The following UCMA variants were observed in gnomAD, a reference collection of about 807,000 sequenced individuals.
UCMA encodes upper zone of growth plate and cartilage matrix associated.
In UCMA, 21 loss-of-function variants were observed where a neutral mutation model predicts 21.8. The observed-to-expected ratio is 0.97, with a 90% CI of 0.68 to 1.39. UCMA has a LOEUF of 1.39. Ranked by LOEUF, UCMA falls within the 40% of genes most tolerant of loss-of-function variation. UCMA has a pLI of 0.00. For missense variants in UCMA, 193 were observed against 178.9 expected (o/e 1.08, Z -0.45); for synonymous variants, 76 against 67.9 (o/e 1.12, Z -0.58).
chr10:13,234,259 C>T lies in UCMA; in HGVS notation c.-1G>A. On this transcript the variant is annotated 5_prime_UTR_variant, in exon 1 of 5. Coordinates refer to ENST00000378681, the MANE Select transcript of UCMA (RefSeq NM_145314.3). ...GCAGGACGGCCTGTCTCCAAGTCATCTTTGCAGAGGTAGGGGCTCCGTCCA... is the reference window on the plus strand; with the variant it reads ...GCAGGACGGCCTGTCTCCAAGTCATTTTTGCAGAGGTAGGGGCTCCGTCCA... 1 of 1,613,852 alleles carries T rather than the reference C, an allele frequency of 6.2e-7. No homozygotes were observed. The highest frequency in any genetic ancestry group is 1.7e-5 in the Admixed American group (1 of 60,004).
intron 4 of UCMA, among the ~76,000 whole-genome samples, chr10:13,225,690 A>G (rs912249814): frequency 2.0e-5 from 3 of 149,970 alleles, no homozygotes; most frequent in African/African-American, 7.3e-5. Flanking sequence ...AAAAAAAAAA[A>G]GAATAGGTGA....
intron 1 of UCMA, 48 bp from the exon 2 acceptor site, chr10:13,233,848 C>A (rs568004360): frequency 6.2e-7 from 1 of 1,608,248 alleles, no homozygotes; most frequent in Admixed American, 1.7e-5. Context: ...GAGGGGAGCC[C>A]AGACCCTGAG....
chr10:13,223,522 A>G (rs1310274239), intron 4 of UCMA, among the ~76,000 whole-genome samples: 4 of 152,156 alleles, frequency 2.6e-5, no homozygotes, highest in Non-Finnish European at 4.4e-5. Flanking sequence ...TGAATAATGT[A>G]TGATTCCACT....
At chr10:13,229,851 T>C in intron 3 of UCMA, 142 bp from the exon 4 acceptor site, 1 of 630,156 alleles carries the variant, frequency 1.6e-6, no homozygotes, top group Admixed American at 3.0e-5. Flanking sequence ...GAGACTTCCC[T>C]GAAATGATTT....
chr10:13,227,714 C>CAA (rs56236207), intron 4 of UCMA, among the ~76,000 whole-genome samples: 11,812 of 53,406 alleles, frequency 0.22, 2,187 homozygotes, highest in South Asian at 0.27. Flanking sequence ...GAGACTGTCT[C>CAA]AAAAAAAAAA....
chr10:13,229,038 C>T (rs1053378201), intron 4 of UCMA, among the ~76,000 whole-genome samples: 4 of 152,098 alleles, frequency 2.6e-5, no homozygotes, highest in East Asian at 1.9e-4. Context: ...CAAGTTCAAG[C>T]GATTCTCCAG....
At chr10:13,233,208 C>G (rs934635690) in intron 3 of UCMA, among the ~76,000 whole-genome samples, 1 of 152,202 alleles carries the variant, frequency 6.6e-6, no homozygotes, top group Non-Finnish European at 1.5e-5. Context: ...CCTCCCTACA[C>G]CTTTCTGAAA....
In UCMA at chr10:13,234,185, A is replaced by G. The variant is rs751980559; in HGVS notation, c.58+16T>C. On this transcript the variant is annotated intron_variant, in intron 1 of 4. Transcript: ENST00000378681. ...CATGTAACTAACACCCTCCACCTTG[A>G]CCCTCCTGTACTCACTAGACAGGAG... 1.2e-6 allele frequency: 2 copies of G among 1,607,558 alleles called. No homozygotes were observed. The highest frequency in any genetic ancestry group is 3.4e-5 in the Admixed American group (2 of 58,996).
rs1386199399 is a variant in UCMA at position 13,233,765 on chromosome 10, TG to T, written c.93del (p.Met32CysfsTer176). The part of the protein sequence containing the change: ...LREGTSVSVG[T>X]MQMAGEEASE... The stretch of plus-strand genomic sequence containing the variant: ...CTCGCCTCTTCTCCCGCCATCTGCA[TG>T]GTGCCCACAGATACACTGGTTCCCT... On this transcript the variant is annotated frameshift_variant, in exon 2 of 5. Transcript: ENST00000378681. LOFTEE classifies it high-confidence loss of function. 5 of 1,613,892 alleles carry T rather than the reference TG, an allele frequency of 3.1e-6. No individual in the cohort carries two copies. In the Admixed American group the frequency reaches 6.7e-5, roughly 22 times the overall value.
Position 13,234,231 on chromosome 10 carries a change from A to G in UCMA, c.28T>C (p.Ser10Pro). Residue 10 changes from serine to proline, a missense_variant, in exon 1 of 5, where the codon TCT becomes CCT. Physicochemically the swap from Ser to Pro is moderately conservative, Grantham distance 74 (BLOSUM62 -1). Transcript: ENST00000378681. MTWRQAVLL[S>P]CFSAVVLLSM... ...AGGAGCACCACGGCGGAGAAGCAAG[A>G]CAGCAGGACGGCCTGTCTCCAAGTC... The G allele has an allele frequency of 6.2e-7, 1 of 1,613,866 alleles. No individual in the cohort carries two copies. The highest frequency in any genetic ancestry group is 8.5e-7 in the Non-Finnish European group (1 of 1,179,944).
At chr10:13,222,276 G>A (rs928058818) in intron 4 of UCMA, 76 bp from the exon 5 acceptor site, 6 of 1,399,364 alleles carry the variant, frequency 4.3e-6, no homozygotes, top group East Asian at 2.3e-5. Context: ...GCCATCAGCC[G>A]AACCCCTGCC....
chr10:13,223,750 T>C (rs6602644), intron 4 of UCMA, among the ~76,000 whole-genome samples: 64,516 of 151,742 alleles, frequency 0.43, 14,041 homozygotes, highest in African/African-American at 0.5. Flanking sequence ...TGGGGTTTCA[T>C]CCTGATGGCC....
intron 4 of UCMA, among the ~76,000 whole-genome samples, chr10:13,222,758 A>T (rs866448251): frequency 6.6e-6 from 1 of 151,398 alleles, no homozygotes. Flanking sequence ...TGGCGTGATC[A>T]TGACTCACCG....
intron 3 of UCMA, among the ~76,000 whole-genome samples, chr10:13,231,947 T>G (rs1349710081): frequency 6.6e-6 from 1 of 152,150 alleles, no homozygotes; most frequent in Non-Finnish European, 1.5e-5. Flanking sequence ...TGACAGCAGA[T>G]GCATTCATGC....
At chr10:13,223,359 C>G (rs1436638954) in intron 4 of UCMA, among the ~76,000 whole-genome samples, 1 of 152,106 alleles carries the variant, frequency 6.6e-6, no homozygotes, top group Non-Finnish European at 1.5e-5. Context: ...TGGAAACAAC[C>G]CCAGTGTCCC....
At chr10:13,226,010 G>A (rs966338302) in intron 4 of UCMA, among the ~76,000 whole-genome samples, 55 of 152,054 alleles carry the variant, frequency 3.6e-4, no homozygotes, top group African/African-American at 1.3e-3. Flanking sequence ...CACTCCATCC[G>A]GGGGCCAATT....
chr10:13,230,042 C>G (rs187300706), intron 3 of UCMA, among the ~76,000 whole-genome samples: 11 of 152,260 alleles, frequency 7.2e-5, no homozygotes, highest in African/African-American at 2.6e-4. Context: ...AACAAATTCC[C>G]TAAAGGAATA....
chr10:13,222,098 T>C lies in UCMA; in HGVS notation c.*5A>G, dbSNP rs377023294. The C allele has an allele frequency of 1.5e-5, 24 of 1,613,918 alleles. No individual in the cohort carries two copies. In the African/African-American group the frequency reaches 2.5e-4, roughly 17 times the overall value. On this transcript the variant is annotated 3_prime_UTR_variant, in exon 5 of 5. Coordinates refer to ENST00000378681, the MANE Select transcript of UCMA (RefSeq NM_145314.3). ...TTTGTCTTCTTGGCCGGCTTCAGGATGGGATCAGGTGTGGTGGCGGTTGTA... is the reference window on the plus strand; with the variant it reads ...TTTGTCTTCTTGGCCGGCTTCAGGACGGGATCAGGTGTGGTGGCGGTTGTA...
Position 13,233,819 on chromosome 10 carries a change from G to C in UCMA, c.59-19C>G, listed in dbSNP as rs1428488338. ...CTCAGCACTGCAGGACAAGGGCACA[G>C]AGTGAGGCTGCAGCATCAGAGGGGA... On this transcript the variant is annotated intron_variant, in intron 1 of 4. Transcript: ENST00000378681. 1 of 1,613,472 alleles carries C rather than the reference G, an allele frequency of 6.2e-7. No homozygotes were observed. Among genetic ancestry groups the C allele is most frequent in the South Asian group, 1.1e-5 (1 of 91,066 alleles).
Sources: allele counts gnomAD v4.1 joint callset (sites outside exome capture counted in the v4.1 genomes callset), GRCh38; gene constraint gnomAD v4.1.1; transcripts MANE v1.5; gene names NCBI Gene and HGNC (gene_info 2026-07-23, HGNC 2026-07-21).